Variants in NMNAT2 observed in about 807,000 individuals in gnomAD.
The protein encoded by NMNAT2 is nicotinamide/nicotinic acid mononucleotide adenylyltransferase 2.
A neutral mutation model predicts 41.6 loss-of-function variants in NMNAT2; 11 were observed. The observed-to-expected ratio is 0.26, with a 90% CI of 0.17 to 0.44. The LOEUF is 0.44. NMNAT2 is among the 20% of genes least tolerant of loss of function. NMNAT2 has a pLI of 1.00. For synonymous variants in NMNAT2, 148 were observed against 151.2 expected (o/e 0.98, Z 0.16); for missense variants, 288 against 407.7 (o/e 0.71, Z 2.53).
chr1:183,344,645 TTTG>T (rs1662887335), intron 1 of NMNAT2, among the ~76,000 whole-genome samples: 1 of 152,184 alleles, frequency 6.6e-6, no homozygotes, highest in South Asian at 2.1e-4. Context: ...CAGATAATTC[TTTG>T]TTGTGGGGGC....
intron 7 of NMNAT2, among the ~76,000 whole-genome samples, chr1:183,279,474 C>T (rs1661206031): frequency 6.6e-6 from 1 of 152,176 alleles, no homozygotes; most frequent in African/African-American, 2.4e-5. Context: ...TGTTGGGCAT[C>T]TTGTCTGAAA....
At chr1:183,297,471 C>T (rs1173467322) in intron 1 of NMNAT2, among the ~76,000 whole-genome samples, 1 of 151,682 alleles carries the variant, frequency 6.6e-6, no homozygotes, top group Non-Finnish European at 1.5e-5. Context: ...CAACCTCTGC[C>T]TCCCGGGTTC....
chr1:183,402,960 CTTT>C (rs5779174), intron 1 of NMNAT2, among the ~76,000 whole-genome samples: 1 of 142,444 alleles, frequency 7.0e-6, no homozygotes. Context: ...AACATCATAT[CTTT>C]TTTTTTTTTT....
chr1:183,252,228 C>G lies in NMNAT2; in HGVS notation c.*413G>C, dbSNP rs965395193. 2 of 176,188 alleles carry G rather than the reference C, an allele frequency of 1.1e-5. No homozygotes were observed. Among genetic ancestry groups the G allele is most frequent in the African/African-American group, 4.8e-5 (2 of 42,092 alleles). 10.9% of individuals were successfully genotyped at this position (176,188 alleles called of 1,614,324 possible). Reference sequence around the variant, plus strand: ...GGGAAGGCAAGAGCCAGAGCCGCCTCCCCAGAGCATGCTGGGAGGAGGGGC... The same window carrying G: ...GGGAAGGCAAGAGCCAGAGCCGCCTGCCCAGAGCATGCTGGGAGGAGGGGC... On this transcript the variant is annotated 3_prime_UTR_variant, in exon 11 of 11. Coordinates refer to ENST00000287713, the MANE Select transcript of NMNAT2 (RefSeq NM_015039.4).
intron 1 of NMNAT2, among the ~76,000 whole-genome samples, chr1:183,334,497 A>G (rs1662644194): frequency 6.6e-6 from 1 of 152,016 alleles, no homozygotes; most frequent in Non-Finnish European, 1.5e-5. Flanking sequence ...CAGGTGAGTT[A>G]GGTACAAGGC....
intron 1 of NMNAT2, among the ~76,000 whole-genome samples, chr1:183,401,339 G>A (rs934236918): frequency 6.6e-6 from 1 of 152,190 alleles, no homozygotes; most frequent in African/African-American, 2.4e-5. Context: ...GGCCATCAGA[G>A]AAATGCAAAT....
At chr1:183,290,332 A>C (rs1360096579) in intron 3 of NMNAT2, 126 bp from the exon 4 acceptor site, 1 of 690,696 alleles carries the variant, frequency 1.4e-6, no homozygotes, top group East Asian at 2.9e-5. Flanking sequence ...TAGATCTTGA[A>C]TCAGATAAAA....
Position 183,418,184 on chromosome 1 carries a change from A to T in NMNAT2, c.84T>A (p.Phe28Leu). ...NPITKGHIQMFERARDYLHKT... is the reference protein window; with the variant it reads ...NPITKGHIQMLERARDYLHKT... The stretch of plus-strand genomic sequence containing the variant: ...CCAGAGGTGGGCGGGAGGACTCACC[A>T]AACATCTGAATGTGCCCTTTGGTGA... Residue 28 changes from phenylalanine (F) to leucine (L), a missense_variant and splice_region_variant, in exon 1 of 11, where the codon TTT (phenylalanine) becomes TTA (leucine). This residue lies in a region of NMNAT2 where 100 missense variants were observed against 168.5 expected (regional missense o/e 0.59). Coordinates refer to ENST00000287713, the MANE Select transcript of NMNAT2 (RefSeq NM_015039.4). The T allele has an allele frequency of 6.2e-7, 1 of 1,613,790 alleles. No homozygotes were observed. Among genetic ancestry groups the T allele is most frequent in the Non-Finnish European group, 8.5e-7 (1 of 1,179,908 alleles).
At chr1:183,280,102 G>A (rs149868305) in intron 7 of NMNAT2, among the ~76,000 whole-genome samples, 2 of 152,180 alleles carry the variant, frequency 1.3e-5, no homozygotes, top group African/African-American at 2.4e-5. Flanking sequence ...GCGCCTCTGC[G>A]TTGCGCCATA....
intron 1 of NMNAT2, among the ~76,000 whole-genome samples, chr1:183,396,204 A>T (rs1176807249): frequency 6.6e-6 from 1 of 152,076 alleles, no homozygotes; most frequent in Admixed American, 6.6e-5. Context: ...CCCCTAACAC[A>T]ATGCTGAGGG....
intron 1 of NMNAT2, among the ~76,000 whole-genome samples, chr1:183,313,699 T>TGGG (rs1430983173): frequency 6.6e-6 from 1 of 152,222 alleles, no homozygotes; most frequent in Non-Finnish European, 1.5e-5. Context: ...TTGGCCAGGC[T>TGGG]GGTCTCGAAC....
At chr1:183,379,297 G>A (rs2101914993) in intron 1 of NMNAT2, among the ~76,000 whole-genome samples, 1 of 152,010 alleles carries the variant, frequency 6.6e-6, no homozygotes, top group East Asian at 1.9e-4. Flanking sequence ...CCTCCTGCCT[G>A]AGCCTCCCCA....
chr1:183,382,581 C>T (rs1405787556), intron 1 of NMNAT2, among the ~76,000 whole-genome samples: 6 of 152,094 alleles, frequency 3.9e-5, no homozygotes, highest in African/African-American at 1.4e-4. Flanking sequence ...TAGTTACTTC[C>T]AAGATACAAT....
At chr1:183,378,647 A>G (rs1663729377) in intron 1 of NMNAT2, among the ~76,000 whole-genome samples, 1 of 152,186 alleles carries the variant, frequency 6.6e-6, no homozygotes. Flanking sequence ...ATGGAAGCAA[A>G]GAAAAACTAG....
intron 1 of NMNAT2, among the ~76,000 whole-genome samples, chr1:183,322,746 G>A (rs935735145): frequency 1.3e-5 from 2 of 152,038 alleles, no homozygotes; most frequent in East Asian, 1.9e-4. Context: ...AAAGCCTAAG[G>A]CCCTCCCAAA....
intron 1 of NMNAT2, among the ~76,000 whole-genome samples, chr1:183,370,994 G>C (rs526845): frequency 0.73 from 110,377 of 152,006 alleles, 40,264 homozygotes; most frequent in East Asian, 0.91. Flanking sequence ...ACCACGGTGC[G>C]CCGCATGTTT....
At chr1:183,344,447 A>G (rs1662883561) in intron 1 of NMNAT2, among the ~76,000 whole-genome samples, 1 of 152,146 alleles carries the variant, frequency 6.6e-6, no homozygotes, top group African/African-American at 2.4e-5. Flanking sequence ...CCTGATATCC[A>G]TATAATTGTT....
intron 1 of NMNAT2, among the ~76,000 whole-genome samples, chr1:183,384,716 G>A (rs373554365): frequency 6.6e-6 from 1 of 152,204 alleles, no homozygotes; most frequent in African/African-American, 2.4e-5. Flanking sequence ...TTTACTCAAA[G>A]ACGTCTCTCA....
chr1:183,379,059 T>TATATCA (rs1663740723), intron 1 of NMNAT2, among the ~76,000 whole-genome samples: 1 of 79,436 alleles, frequency 1.3e-5, no homozygotes, highest in South Asian at 4.7e-4. Flanking sequence ...TATCTATATC[T>TATATCA]ATATCTATAT....
Sources: allele counts gnomAD v4.1 joint callset (sites outside exome capture counted in the v4.1 genomes callset), GRCh38; gene constraint gnomAD v4.1.1; regional missense constraint gnomAD v4.1.1; transcripts MANE v1.5; gene names NCBI Gene and HGNC (gene_info 2026-07-23, HGNC 2026-07-21).